The following SCARB2 variants were observed in gnomAD, a reference collection of about 807,000 sequenced individuals.
SCARB2 encodes the protein lysosome membrane protein 2.
Under a neutral mutation model 58.6 loss-of-function variants are expected in SCARB2, and 29 were observed. The observed-to-expected ratio is 0.49, with a 90% CI of 0.37 to 0.67. The LOEUF (loss-of-function observed/expected upper bound fraction) is 0.67. SCARB2 is among the 30% of genes least tolerant of loss of function. The pLI, the probability that SCARB2 is intolerant of heterozygous loss-of-function variation, is 0.00. For synonymous variants in SCARB2, 195 were observed against 210.1 expected (o/e 0.93, Z 0.62); for missense variants, 488 against 578.5 (o/e 0.84, Z 1.60).
At chr4:76,169,516 C>T (rs1033298355) in intron 8 of SCARB2, among the ~76,000 whole-genome samples, 1 of 152,164 alleles carries the variant, frequency 6.6e-6, no homozygotes, top group African/African-American at 2.4e-5. Context: ...TTAACCTTAT[C>T]GATCTGTGTC....
At chr4:76,179,866 G>A (rs1225384071) in intron 3 of SCARB2, 161 bp from the exon 4 acceptor site, 7 of 699,038 alleles carry the variant, frequency 1.0e-5, no homozygotes, top group Admixed American at 8.1e-5. Flanking sequence ...GGCTGCATAT[G>A]GAAGACAAAG....
At chr4:76,207,529 C>T (rs1444359505) in intron 1 of SCARB2, among the ~76,000 whole-genome samples, 1 of 152,158 alleles carries the variant, frequency 6.6e-6, no homozygotes, top group Non-Finnish European at 1.5e-5. Context: ...AAAGCATGTA[C>T]CCAAAAGTGC....
chr4:76,180,441 AG>A (rs1732358105), intron 3 of SCARB2: 1 of 152,616 alleles, frequency 6.6e-6, no homozygotes, highest in Non-Finnish European at 1.5e-5. Context: ...GATGTAGAAT[AG>A]GTGTCGTTAT....
chr4:76,224,510 G>A (rs1232647409), intron 1 of SCARB2, among the ~76,000 whole-genome samples: 1 of 152,138 alleles, frequency 6.6e-6, no homozygotes, highest in African/African-American at 2.4e-5. Context: ...TTAAGAAGAT[G>A]TTCATACATC....
upstream of SCARB2, among the ~76,000 whole-genome samples, chr4:76,215,703 C>A (rs921997624): frequency 2.6e-5 from 4 of 152,096 alleles, no homozygotes. Context: ...CCTCAAGTCA[C>A]CCCTAAGTTC....
At chr4:76,200,728 T>C (rs1257381196) in intron 1 of SCARB2, among the ~76,000 whole-genome samples, 1 of 152,178 alleles carries the variant, frequency 6.6e-6, no homozygotes, top group Non-Finnish European at 1.5e-5. Context: ...AATTCCCCCA[T>C]CTAAACATCT....
intron 8 of SCARB2, among the ~76,000 whole-genome samples, chr4:76,169,340 ACG>A (rs1732079815): frequency 7.1e-6 from 1 of 141,318 alleles, no homozygotes; most frequent in Non-Finnish European, 1.5e-5. Context: ...ACACACACAC[ACG>A]TGTGTATGTC....
rs142640519 is a variant in SCARB2, at chr4:76,165,859, T to C, written c.1239+391A>G. ...ATGTGATTCAGAAAAGAATTTATCA[T>C]AGGTGTCTTAAACCAGCATGGTTTC... On this transcript the variant is annotated intron_variant, in intron 10 of 11. Transcript: ENST00000264896. 2.7e-3 allele frequency: 725 copies of C among 268,446 alleles called. 8 individuals are homozygous for C. The highest frequency in any genetic ancestry group is 0.015 in the African/African-American group (670 of 45,210). 16.6% of individuals were successfully genotyped at this position (268,446 alleles called of 1,614,324 possible).
At chr4:76,198,376 AG>A (rs1732757453) in intron 1 of SCARB2, among the ~76,000 whole-genome samples, 1 of 152,250 alleles carries the variant, frequency 6.6e-6, no homozygotes, top group Non-Finnish European at 1.5e-5. Context: ...GACAAGTGGA[AG>A]GGTTTCCAGA....
intron 1 of SCARB2, among the ~76,000 whole-genome samples, chr4:76,221,352 CTT>C (rs1434000068): frequency 5.9e-5 from 9 of 152,174 alleles, no homozygotes; most frequent in African/African-American, 2.2e-4. Flanking sequence ...AAGTTTCGCT[CTT>C]GTTGCTCAGG....
In SCARB2 at chr4:76,174,321, G is replaced by A. The variant is rs201397845; in HGVS notation, c.825-8C>T. On this transcript the variant is annotated splice_region_variant and splice_polypyrimidine_tract_variant and intron_variant, in intron 6 of 11. Coordinates refer to ENST00000264896, the MANE Select transcript of SCARB2 (RefSeq NM_005506.4). ...AAAGTAATATACACTGACCTGTTAG[G>A]ATGTAAGAATAAAAAGTGAATGTGG... The A allele has an allele frequency of 3.3e-5, 54 of 1,613,726 alleles. No individual in the cohort carries two copies. The East Asian group carries it at 1.2e-3, about 35-fold the overall frequency.
chr4:76,186,973 G>A (rs1732500002), intron 2 of SCARB2, among the ~76,000 whole-genome samples: 1 of 152,098 alleles, frequency 6.6e-6, no homozygotes, highest in Non-Finnish European at 1.5e-5. Flanking sequence ...AATGATCACG[G>A]TGTTCCTAAA....
rs1259634674 is a variant in SCARB2, at chr4:76,181,044, A to G, written c.333T>C (p.Ala111=). 1.2e-6 allele frequency: 2 copies of G among 1,613,806 alleles called. No individual in the cohort carries two copies. Among genetic ancestry groups the G allele is most frequent in the Admixed American group, 1.7e-5 (1 of 60,026 alleles). Residue 111 remains alanine, a synonymous_variant, in exon 3 of 12, where the codon GCT becomes GCC. Coordinates refer to ENST00000264896, the MANE Select transcript of SCARB2 (RefSeq NM_005506.4). ...CAAAAACATAGGCCTTGTTGCTAAC[A>G]GCAGATATTGTTGTTCCATTATCTC... ...QFGDNGTTIS[A]VSNKAYVFER...
At position 76,170,003 on chromosome 4, in the gene SCARB2, C is replaced by T. The variant is rs1332796825; in HGVS notation, c.995-18G>A. On this transcript the variant is annotated intron_variant, in intron 7 of 11. Coordinates refer to ENST00000264896, the MANE Select transcript of SCARB2 (RefSeq NM_005506.4). ...GGGTGCACCTGCATTTGAAGGAAAA[C>T]AGAAATGAATGATGCTGTTTTTAAA... is the stretch of plus-strand genomic sequence containing the variant. The T allele has an allele frequency of 6.3e-7, 1 of 1,585,226 alleles. No homozygotes were observed. The highest frequency in any genetic ancestry group is 8.7e-7 in the Non-Finnish European group (1 of 1,155,066).
chr4:76,213,759 C>T lies in SCARB2; in HGVS notation c.-216G>A, dbSNP rs557483813. ...CGGATGGGGCCGCGGAGGGACGGGCCCGGACTCGGTTTCGGTTTCCTTCGC... is the reference window on the plus strand; with the variant it reads ...CGGATGGGGCCGCGGAGGGACGGGCTCGGACTCGGTTTCGGTTTCCTTCGC... On this transcript the variant is annotated 5_prime_UTR_variant, in exon 1 of 12. Coordinates refer to ENST00000264896, the MANE Select transcript of SCARB2 (RefSeq NM_005506.4). 57 of 451,556 alleles carry T rather than the reference C, an allele frequency of 1.3e-4. 2 individuals carry two copies. The South Asian group carries it at 1.8e-3, about 14-fold the overall frequency. 28.0% of individuals were successfully genotyped at this position (451,556 alleles called of 1,614,324 possible). A position where few individuals can be genotyped will look rare whatever the true frequency, so the allele number is the denominator to read the frequency against.
intron 4 of SCARB2, among the ~76,000 whole-genome samples, chr4:76,177,315 C>CT (rs1172009936): frequency 2.7e-5 from 4 of 150,718 alleles, no homozygotes; most frequent in Non-Finnish European, 5.9e-5. Flanking sequence ...TGAGATACCA[C>CT]TTCACACCCA....
intron 10 of SCARB2, chr4:76,165,984 T>C (rs1403258688): frequency 1.8e-6 from 1 of 559,780 alleles, no homozygotes; most frequent in Non-Finnish European, 3.2e-6. Context: ...CCTGTTTCTG[T>C]TTCCTACGTG....
At chr4:76,216,926 C>T (rs546549350), upstream of SCARB2, among the ~76,000 whole-genome samples, 51 of 152,330 alleles carry the variant, frequency 3.3e-4, no homozygotes, top group Middle Eastern at 6.8e-3. Context: ...TCTGTCTTAT[C>T]ACCGAGGCTG....
At chr4:76,176,619 A>G (rs1331784678) in intron 4 of SCARB2, 91 bp from the exon 5 acceptor site, 7 of 834,144 alleles carry the variant, frequency 8.4e-6, no homozygotes, top group Non-Finnish European at 1.2e-5. Flanking sequence ...TTGGTCAAAC[A>G]CTAGCCCAGA....
Sources: gnomAD v4.1 joint callset for allele counts (sites outside exome capture counted in the v4.1 genomes callset) on GRCh38, gnomAD v4.1.1 for gene constraint, MANE v1.5 for transcripts, NCBI Gene and HGNC (gene_info 2026-07-23, HGNC 2026-07-21) for gene names.